TTC17: variants seen among roughly 807,000 people sequenced by gnomAD.
TTC17 encodes tetratricopeptide repeat protein 17.
In TTC17, 58 loss-of-function variants were observed where a neutral mutation model predicts 143.8. That is an observed-to-expected ratio of 0.40 (90% confidence interval 0.33 to 0.50). The LOEUF (loss-of-function observed/expected upper bound fraction) is 0.50, where lower values mean the gene tolerates loss of function less well. TTC17 is among the 20% of genes least tolerant of loss of function. The pLI is 0.49. For missense variants in TTC17, 1,273 were observed against 1,392.5 expected (o/e 0.91, Z 1.37); for synonymous variants, 501 against 497.8 (o/e 1.01, Z -0.09).
At chr11:43,380,870 C>G (rs181315419) in intron 2 of TTC17, among the ~76,000 whole-genome samples, 2 of 152,222 alleles carry the variant, frequency 1.3e-5, no homozygotes, top group Non-Finnish European at 2.9e-5. Flanking sequence ...TTTATCAATA[C>G]TAGGAATTAG....
intron 2 of TTC17, among the ~76,000 whole-genome samples, chr11:43,384,034 AC>A (rs1264876047): frequency 6.6e-6 from 1 of 151,974 alleles, no homozygotes; most frequent in East Asian, 1.9e-4. Flanking sequence ...AGTTCTAGCT[AC>A]TGGGGAGGCT....
chr11:43,432,628 T>A (rs1437283820), intron 16 of TTC17, among the ~76,000 whole-genome samples: 1 of 152,196 alleles, frequency 6.6e-6, no homozygotes, highest in Admixed American at 6.5e-5. Flanking sequence ...CCCATTTTTG[T>A]GTCAGCAAAA....
At chr11:43,437,989 G>A (rs994719653) in intron 16 of TTC17, among the ~76,000 whole-genome samples, 2 of 152,186 alleles carry the variant, frequency 1.3e-5, no homozygotes, top group South Asian at 2.1e-4. Context: ...ACCTTAATCC[G>A]AATGATTTAA....
At position 43,407,085 on chromosome 11, in the gene TTC17, A is replaced by G. The variant is rs1858174407; in HGVS notation, c.1762-53A>G. The G allele has an allele frequency of 7.6e-6, 10 of 1,307,912 alleles. No homozygotes were observed. In the Admixed American group the frequency reaches 1.6e-4, roughly 20 times the overall value. 81.0% of individuals were successfully genotyped at this position (1,307,912 alleles called of 1,614,324 possible). A position where few individuals can be genotyped will look rare whatever the true frequency, so the allele number is the denominator to read the frequency against. ...ACTGCCATCTATAGAAATTCTTTTC[A>G]AATGTCTTCCCTGTTATTTTCAATT... On this transcript the variant is annotated intron_variant, in intron 13 of 23. Transcript: ENST00000039989.
intron 21 of TTC17, among the ~76,000 whole-genome samples, chr11:43,456,337 A>G (rs1443060803): frequency 2.6e-5 from 4 of 152,164 alleles, no homozygotes; most frequent in Admixed American, 1.3e-4. Context: ...ATGTATTAAT[A>G]TAGACAAAGG....
chr11:43,367,617 C>T (rs11601589), intron 1 of TTC17, among the ~76,000 whole-genome samples: 4 of 152,070 alleles, frequency 2.6e-5, no homozygotes, highest in African/African-American at 9.7e-5. Flanking sequence ...AAAATTAGAA[C>T]AACTTTGCAT....
chr11:43,409,920 C>G (rs1203081861), intron 15 of TTC17, among the ~76,000 whole-genome samples: 1 of 151,750 alleles, frequency 6.6e-6, no homozygotes, highest in Non-Finnish European at 1.5e-5. Flanking sequence ...CAGCTCACTG[C>G]AAGCTTCGCC....
chr11:43,457,729 A>G (rs1947790125), intron 21 of TTC17, among the ~76,000 whole-genome samples: 1 of 152,188 alleles, frequency 6.6e-6, no homozygotes, highest in Non-Finnish European at 1.5e-5. Flanking sequence ...AGCACAGCCC[A>G]GAATTGGTGA....
intron 21 of TTC17, among the ~76,000 whole-genome samples, chr11:43,464,009 C>T (rs780577243): frequency 3.9e-5 from 6 of 152,134 alleles, no homozygotes; most frequent in Non-Finnish European, 8.8e-5. Flanking sequence ...GGCGTGGTGG[C>T]TCCTGCCTAT....
chr11:43,460,099 C>A (rs1452007329), intron 21 of TTC17, among the ~76,000 whole-genome samples: 1 of 151,218 alleles, frequency 6.6e-6, no homozygotes, highest in East Asian at 1.9e-4. Flanking sequence ...ACAGTTAACA[C>A]CCTGGATTTT....
In TTC17 at chr11:43,470,453, G is replaced by A. The variant is rs1384156537; in HGVS notation, c.3030+19188G>A. ...AGCATAGAGTCCTGGAGAGGGACAT[G>A]GCTTGGCTATAAGAACCGTGACACT... On this transcript the variant is annotated intron_variant, in intron 21 of 23. Transcript: ENST00000039989. 2.6e-5 allele frequency among the ~76,000 whole-genome samples: 4 copies of A among 152,330 alleles called. No individual in the cohort carries two copies. In the East Asian group the frequency reaches 5.8e-4, roughly 22 times the overall value.
At chr11:43,368,521 T>C (rs1428501213) in intron 1 of TTC17, among the ~76,000 whole-genome samples, 1 of 152,210 alleles carries the variant, frequency 6.6e-6, no homozygotes, top group Non-Finnish European at 1.5e-5. Flanking sequence ...TTCCAGAATG[T>C]TTCCTGAATC....
chr11:43,407,152 T>C lies in TTC17; in HGVS notation c.1776T>C (p.Arg592=). The C allele has an allele frequency of 6.3e-7, 1 of 1,585,722 alleles. No homozygotes were observed. Among genetic ancestry groups the C allele is most frequent in the Non-Finnish European group, 8.5e-7 (1 of 1,170,674 alleles). Reference sequence around the variant, plus strand: ...TGATGTTTCAGATTTTGCTTTCCCGTATTAATAACTATACTATCCCAGAAG... The same window carrying C: ...TGATGTTTCAGATTTTGCTTTCCCGCATTAATAACTATACTATCCCAGAAG... ...DDHARKILLS[R]INNYTIPEEE... The change falls in exon 14 of 24, where the codon CGT becomes CGC. Residue 592 remains arginine, a synonymous_variant. Transcript: ENST00000039989.
At chr11:43,484,929 C>G (rs1027642615) in intron 21 of TTC17, among the ~76,000 whole-genome samples, 2 of 151,902 alleles carry the variant, frequency 1.3e-5, no homozygotes, top group African/African-American at 4.8e-5. Flanking sequence ...TGCGAGGGAT[C>G]TAGGTTGCAC....
In TTC17 at chr11:43,404,061, A is replaced by G; in HGVS notation, c.1396A>G (p.Ser466Gly). Residue 466 changes from serine (S) to glycine (G), a missense_variant, in exon 11 of 24, where the codon AGT (serine) becomes GGT (glycine). Physicochemically the swap from Ser to Gly is moderately conservative, Grantham distance 56. Transcript: ENST00000039989. ...SVNFDVQSNQ[S>G]DINDSVKSSP... is the part of the protein sequence containing the mutation. Reference sequence around the variant, plus strand: ...GAACTTTGATGTTCAATCAAATCAGAGTGATATCAATGATTCGGTCAAGTC... The same window carrying G: ...GAACTTTGATGTTCAATCAAATCAGGGTGATATCAATGATTCGGTCAAGTC... 6.2e-7 allele frequency: 1 copy of G among 1,613,216 alleles called. No individual in the cohort carries two copies. Among genetic ancestry groups the G allele is most frequent in the Non-Finnish European group, 8.5e-7 (1 of 1,179,488 alleles).
rs373401942 is a variant in TTC17 at position 43,424,137 on chromosome 11, G to A, written c.2251+9361G>A. On this transcript the variant is annotated intron_variant, in intron 16 of 23. Transcript: ENST00000039989. ...GAGTCTCGCTCGCTCTTGTCGCCCA[G>A]GCTAGAGTGCAGTGGCTCTGTCTCG... is the stretch of plus-strand genomic sequence containing the variant. Among the ~76,000 whole-genome samples, 5 of 150,180 alleles carry A rather than the reference G, an allele frequency of 3.3e-5. No individual in the cohort carries two copies. The East Asian group carries it at 7.8e-4, about 24-fold the overall frequency.
rs1421969130 is a variant in TTC17 at position 43,494,701 on chromosome 11, T to C, written c.*797T>C. 1 of 152,198 alleles carries C rather than the reference T, an allele frequency of 6.6e-6. No individual in the cohort carries two copies. The highest frequency in any genetic ancestry group is 1.5e-5 in the Non-Finnish European group (1 of 68,038). The allele number at this position is 152,198 out of a possible 1,614,324, so 9.4% of individuals were successfully genotyped here. ...TGAAGCCCTCTACAGACTGAGTCTA[T>C]GTTTTACTAATTCTTTGTTCACTGT... On this transcript the variant is annotated 3_prime_UTR_variant, in exon 24 of 24. Coordinates refer to ENST00000039989, the MANE Select transcript of TTC17 (RefSeq NM_018259.6).
At chr11:43,423,046 G>C (rs531256510) in intron 16 of TTC17, among the ~76,000 whole-genome samples, 1 of 152,198 alleles carries the variant, frequency 6.6e-6, no homozygotes, top group African/African-American at 2.4e-5. Flanking sequence ...AGGCACAAAT[G>C]TAAGAGTAGT....
At chr11:43,445,802 A>G (rs898796589) in intron 18 of TTC17, 3 of 622,996 alleles carry the variant, frequency 4.8e-6, no homozygotes, top group Admixed American at 2.5e-5. Context: ...AATCCTAACC[A>G]AGTTATAAAG....
Sources: allele counts gnomAD v4.1 joint callset (sites outside exome capture counted in the v4.1 genomes callset), GRCh38; gene constraint gnomAD v4.1.1; transcripts MANE v1.5; gene names NCBI Gene and HGNC (gene_info 2026-07-23, HGNC 2026-07-21).